The following SDK2 variants were observed in gnomAD, a reference collection of about 807,000 sequenced individuals.
The protein encoded by SDK2 is sidekick cell adhesion molecule 2, also known as protein sidekick-2.
Under a neutral mutation model 253.9 loss-of-function variants are expected in SDK2, and 105 were observed. That is an observed-to-expected ratio of 0.41 (90% CI 0.35 to 0.49). The LOEUF (loss-of-function observed/expected upper bound fraction) is 0.49, where lower values mean the gene tolerates loss of function less well. Among genes scored for constraint, SDK2 ranks in the 20% least tolerant of loss-of-function variants. The pLI, the probability that SDK2 is intolerant of heterozygous loss-of-function variation, is 0.06. For missense variants in SDK2, 2,608 were observed against 3,003.0 expected (o/e 0.87, Z 3.07); for synonymous variants, 1,249 against 1,234.9 (o/e 1.01, Z -0.24).
intron 1 of SDK2, among the ~76,000 whole-genome samples, chr17:73,588,201 C>T (rs573662788): frequency 1.4e-5 from 2 of 147,778 alleles, no homozygotes; most frequent in East Asian, 2.0e-4. Context: ...GGAGAGACCC[C>T]CCCCCCTCCC....
At chr17:73,564,808 G>C (rs1388663885) in intron 1 of SDK2, among the ~76,000 whole-genome samples, 1 of 150,596 alleles carries the variant, frequency 6.6e-6, no homozygotes. Flanking sequence ...TTGGGGGACA[G>C]AGAGAGACTC....
At chr17:73,641,346 G>A (rs1053617724) in intron 1 of SDK2, among the ~76,000 whole-genome samples, 1 of 152,230 alleles carries the variant, frequency 6.6e-6, no homozygotes, top group African/African-American at 2.4e-5. Context: ...GTGTACAGAT[G>A]AGGAAACTGA....
At chr17:73,526,701 G>A (rs551619080) in intron 1 of SDK2, among the ~76,000 whole-genome samples, 2 of 152,234 alleles carry the variant, frequency 1.3e-5, no homozygotes, top group South Asian at 4.1e-4. Flanking sequence ...GCATATGTGT[G>A]TATTTGTGTC....
chr17:73,594,207 G>A (rs2045722861), intron 1 of SDK2, among the ~76,000 whole-genome samples: 1 of 152,200 alleles, frequency 6.6e-6, no homozygotes, highest in African/African-American at 2.4e-5. Flanking sequence ...AGGCGGCATT[G>A]ATGGGGATTC....
intron 6 of SDK2, 91 bp from the exon 7 acceptor site, chr17:73,438,245 G>A (rs973429739): frequency 7.9e-7 from 1 of 1,272,858 alleles, no homozygotes; most frequent in Non-Finnish European, 1.1e-6. Flanking sequence ...GTGTGGGCTT[G>A]GGAGCCGGGC....
intron 1 of SDK2, among the ~76,000 whole-genome samples, chr17:73,581,000 C>T (rs190791980): frequency 6.6e-6 from 1 of 152,196 alleles, no homozygotes; most frequent in East Asian, 1.9e-4. Flanking sequence ...TCAAGTGTCT[C>T]AGCCTTCCAA....
At chr17:73,412,134 ATGTG>A (rs2063142578) in intron 18 of SDK2, among the ~76,000 whole-genome samples, 1 of 22,886 alleles carries the variant, frequency 4.4e-5, no homozygotes, top group East Asian at 5.7e-4. Flanking sequence ...ATATATGTGT[ATGTG>A]TATATGTATA....
rs548894394 is a variant in SDK2 at position 73,616,106 on chromosome 17, A to T, written c.64+27919T>A. 3.9e-5 allele frequency among the ~76,000 whole-genome samples: 6 copies of T among 152,310 alleles called. No homozygotes were observed. The South Asian group carries it at 8.3e-4, about 21-fold the overall frequency. ...CATCTGAGCTTGACAGTGTGCATGA[A>T]GTAGACATATGATCCAGTTTGTGGA... is the stretch of plus-strand genomic sequence containing the variant. On this transcript the variant is annotated intron_variant, in intron 1 of 44. Coordinates refer to ENST00000392650, the MANE Select transcript of SDK2 (RefSeq NM_001144952.2). This position sits in a 1 kb window ranked among gnomAD's most constrained non-coding sequence, Gnocchi z 5.2.
At position 73,352,534 on chromosome 17, in the gene SDK2, C is replaced by T. The variant is rs1191521349; in HGVS notation, c.5697G>A (p.Arg1899=). 6.2e-7 allele frequency: 1 copy of T among 1,614,018 alleles called. No homozygotes were observed. Among genetic ancestry groups the T allele is most frequent in the South Asian group, 1.1e-5 (1 of 91,086 alleles). Residue 1899 remains arginine (R), a synonymous_variant, in exon 41 of 45, where the codon CGG becomes CGA. Transcript: ENST00000392650. This position sits in a 1 kb window ranked among gnomAD's most constrained non-coding sequence, Gnocchi z 4.1. ...ILKPGVSYDF[R]VIAVNDYGFG... ...AACCATAGTCGTTGACCGCGATGAC[C>T]CGGAAGTCATAGCTCACGCCCGGCT...
intron 1 of SDK2, among the ~76,000 whole-genome samples, chr17:73,603,788 G>A (rs2045872748): frequency 6.6e-6 from 1 of 152,228 alleles, no homozygotes; most frequent in Admixed American, 6.5e-5. Flanking sequence ...GCAAAGCTGG[G>A]CCTTCAACCT....
chr17:73,509,009 A>G (rs2063957143), intron 1 of SDK2, among the ~76,000 whole-genome samples: 1 of 152,176 alleles, frequency 6.6e-6, no homozygotes, highest in African/African-American at 2.4e-5. Flanking sequence ...GCCCAACTCC[A>G]TGCACCTTCC....
At chr17:73,448,423 G>A (rs914703730) in intron 4 of SDK2, among the ~76,000 whole-genome samples, 1 of 151,912 alleles carries the variant, frequency 6.6e-6, no homozygotes, top group Non-Finnish European at 1.5e-5. Context: ...GGAGTACAGT[G>A]GCATGATCTT....
At chr17:73,450,260 C>T (rs72844138) in intron 4 of SDK2, among the ~76,000 whole-genome samples, 158 of 152,310 alleles carry the variant, frequency 1.0e-3, no homozygotes, top group Non-Finnish European at 1.9e-3. Context: ...TCAGTTTCCT[C>T]CTCTGTGCAG....
At chr17:73,513,414 T>A (rs983702427) in intron 1 of SDK2, among the ~76,000 whole-genome samples, 2 of 152,206 alleles carry the variant, frequency 1.3e-5, no homozygotes, top group Admixed American at 6.5e-5. Context: ...TACCATTTTT[T>A]CCCTTATCAC....
At chr17:73,580,508 A>T (rs1221313858) in intron 1 of SDK2, among the ~76,000 whole-genome samples, 1 of 152,254 alleles carries the variant, frequency 6.6e-6, no homozygotes, top group Admixed American at 6.5e-5. Context: ...ACGCCGACCC[A>T]GGGCCAGCTT....
At chr17:73,483,637 A>ATGTGTGTGTGTGTG (rs1567799085) in intron 2 of SDK2, among the ~76,000 whole-genome samples, 1 of 53,080 alleles carries the variant, frequency 1.9e-5, no homozygotes, top group Non-Finnish European at 3.6e-5. Flanking sequence ...ATATGTATAT[A>ATGTGTGTGTGTGTG]TATATGTGTG....
chr17:73,491,845 G>A (rs1048221297), intron 2 of SDK2, among the ~76,000 whole-genome samples: 4 of 152,220 alleles, frequency 2.6e-5, no homozygotes, highest in African/African-American at 4.8e-5. Context: ...ACCCGCCTGC[G>A]AGCCGCCATC....
intron 44 of SDK2, among the ~76,000 whole-genome samples, chr17:73,339,235 GTT>G (rs368507991): frequency 2.2e-5 from 3 of 138,376 alleles, no homozygotes. Flanking sequence ...TTTTGTTTTT[GTT>G]TTTTTTTTTT....
intron 8 of SDK2, 86 bp downstream of exon 8, chr17:73,437,650 AAGC>A: frequency 8.7e-7 from 1 of 1,144,646 alleles, no homozygotes. Context: ...TCTCGAGAAG[AAGC>A]TGGAATTTAG....
Sources: gnomAD v4.1 joint callset for allele counts (sites outside exome capture counted in the v4.1 genomes callset) on GRCh38, gnomAD v4.1.1 for gene constraint, Gnocchi (gnomAD v3.1) non-coding constraint, MANE v1.5 for transcripts, NCBI Gene and HGNC (gene_info 2026-07-23, HGNC 2026-07-21) for gene names.